The following SLC12A9 variants were observed in gnomAD, a reference collection of about 807,000 sequenced individuals.
SLC12A9 encodes solute carrier family 12 member 9.
SLC12A9 carries 55 observed loss-of-function variants against 66.0 expected under a neutral mutation model. That is an observed-to-expected ratio of 0.83 (90% confidence interval 0.67 to 1.04). The LOEUF is 1.04. Ranked by LOEUF, SLC12A9 falls within the 50% of genes least tolerant of loss-of-function variation. The probability of loss-of-function intolerance (pLI) is 0.00; values close to 1 mark genes in which losing one functional copy is unlikely to be tolerated. For synonymous variants in SLC12A9, 577 were observed against 569.0 expected, an observed-to-expected ratio of 1.01 and a Z score of -0.20; for missense variants, 1,061 against 1,241.9, an observed-to-expected ratio of 0.85 and a Z score of 2.19.
chr7:100,864,951 C>T (rs925997159), intron 13 of SLC12A9, among the ~76,000 whole-genome samples: 2 of 151,852 alleles, frequency 1.3e-5, no homozygotes, highest in African/African-American at 4.8e-5. Flanking sequence ...ACGGGGTAGC[C>T]CTGTTTCTTT....
In SLC12A9 at chr7:100,865,766, C is replaced by G. The variant is rs1340769634; in HGVS notation, c.1906C>G (p.Pro636Ala). Residue 636 changes from proline (P) to alanine (A), a missense_variant, in exon 14 of 14, where the codon CCA (proline) becomes GCA (alanine). Pro to Ala is a conservative substitution (Grantham distance 27). Transcript: ENST00000354161. ...TLVLGFYDDA[P>A]PQDHFLTDPA... ...GGTCCTAGGTTTCTACGATGACGCT[C>G]CACCGCAGGACCATTTCCTGACGGA... The G allele has an allele frequency of 1.9e-6, 3 of 1,613,842 alleles. No homozygotes were observed. The highest frequency in any genetic ancestry group is 2.5e-6 in the Non-Finnish European group (3 of 1,179,948).
chr7:100,857,008 T>C lies in SLC12A9; in HGVS notation c.589T>C (p.Phe197Leu). The C allele has an allele frequency of 6.2e-7, 1 of 1,614,188 alleles. No individual in the cohort carries two copies. The highest frequency in any genetic ancestry group is 8.5e-7 in the Non-Finnish European group (1 of 1,180,038). The change falls in exon 5 of 14, where the codon TTC becomes CTC. Residue 197 changes from phenylalanine to leucine, a missense_variant. By Grantham distance (22) the Phe-to-Leu change is conservative. Coordinates refer to ENST00000354161, the MANE Select transcript of SLC12A9 (RefSeq NM_020246.4). ...CTATGCCCGGGCCTCATTCCTCACA[T>C]TCCTGCTGGTCTCTGGCTCCCTGGC... is the stretch of plus-strand genomic sequence containing the variant. ...GLYARASFLT[F>L]LLVSGSLASV...
At chr7:100,859,813 T>C in intron 7 of SLC12A9, 72 bp from the exon 8 acceptor site, 1 of 1,521,708 alleles carries the variant, frequency 6.6e-7, no homozygotes, top group Admixed American at 1.9e-5. Context: ...GTCTGATCCT[T>C]AAGATCGGGG....
intron 1 of SLC12A9, among the ~76,000 whole-genome samples, chr7:100,830,080 A>T (rs775531799): frequency 1.3e-5 from 2 of 151,358 alleles, no homozygotes; most frequent in Non-Finnish European, 1.5e-5. Context: ...GGCTGGGCGC[A>T]GTGGCTCACA....
rs200962214 is a variant in SLC12A9 at position 100,862,749 on chromosome 7, G to A, written c.1780G>A (p.Val594Met). The A allele has an allele frequency of 2.3e-5, 37 of 1,614,222 alleles. No individual in the cohort carries two copies. The highest frequency in any genetic ancestry group is 3.1e-5 in the Non-Finnish European group (37 of 1,180,040). Residue 594 changes from valine (V) to methionine (M), a missense_variant, in exon 13 of 14, where the codon GTG becomes ATG. By Grantham distance (21) the Val-to-Met change is conservative (BLOSUM62 1). Coordinates refer to ENST00000354161, the MANE Select transcript of SLC12A9 (RefSeq NM_020246.4). ...AWLSLVDRAQ[V>M]KAFVDLTLSP... The stretch of plus-strand genomic sequence containing the variant: ...GCTCAGCCTGGTGGACCGTGCCCAG[G>A]TGAAGGCTTTTGTGGATCTAACCCT...
rs1584703946 is a variant in SLC12A9 at position 100,860,977 on chromosome 7, C to T, written c.1219-161C>T. On this transcript the variant is annotated intron_variant, in intron 9 of 13. Transcript: ENST00000354161. The stretch of plus-strand genomic sequence containing the variant: ...GGGGTTTAATAGCATTTTGGGGGTT[C>T]ATTGACACTTTGGGGGTGCACTGGC... The T allele has an allele frequency of 3.1e-6, 4 of 1,291,600 alleles. No individual in the cohort carries two copies. The East Asian group carries it at 9.5e-5, about 31-fold the overall frequency. 80.0% of individuals were successfully genotyped at this position (1,291,600 alleles called of 1,614,324 possible). A position where few individuals can be genotyped will look rare whatever the true frequency, so the allele number is the denominator to read the frequency against.
At chr7:100,827,221 G>T (rs1465520444) in intron 1 of SLC12A9, 5 of 288,316 alleles carry the variant, frequency 1.7e-5, no homozygotes, top group Non-Finnish European at 2.9e-5. Flanking sequence ...TCTGTGCCGC[G>T]CGCGCGGGCG....
intron 1 of SLC12A9, among the ~76,000 whole-genome samples, chr7:100,853,878 G>A (rs1334257718): frequency 6.6e-6 from 1 of 152,102 alleles, no homozygotes; most frequent in African/African-American, 2.4e-5. Flanking sequence ...ACAGGCATGA[G>A]CCACCATGCC....
intron 13 of SLC12A9, among the ~76,000 whole-genome samples, chr7:100,864,615 G>A (rs144960351): frequency 8.0e-4 from 122 of 152,284 alleles, no homozygotes; most frequent in African/African-American, 2.9e-3. Context: ...GAGCATTGTG[G>A]TTGCCACGTG....
At position 100,865,146 on chromosome 7, in the gene SLC12A9, T is replaced by G. The variant is rs887469782; in HGVS notation, c.1859-573T>G. 5.1e-5 allele frequency: 49 copies of G among 961,532 alleles called. No individual in the cohort carries two copies. The East Asian group carries it at 1.2e-3, about 24-fold the overall frequency. 59.6% of individuals were successfully genotyped at this position (961,532 alleles called of 1,614,324 possible). ...CTAATTTTTGTATTTTTAGTAGAGATAGCATTTCACCGTATTGGCCAGGCT... is the reference window on the plus strand; with the variant it reads ...CTAATTTTTGTATTTTTAGTAGAGAGAGCATTTCACCGTATTGGCCAGGCT... On this transcript the variant is annotated intron_variant, in intron 13 of 13. Coordinates refer to ENST00000354161, the MANE Select transcript of SLC12A9 (RefSeq NM_020246.4).
At position 100,856,872 on chromosome 7, in the gene SLC12A9, C is replaced by T; in HGVS notation, c.453C>T (p.Ala151=). The T allele has an allele frequency of 6.3e-7, 1 of 1,591,960 alleles. No individual in the cohort carries two copies. Among genetic ancestry groups the T allele is most frequent in the Non-Finnish European group, 8.5e-7 (1 of 1,170,872 alleles). ...ESVLDVFGAD[A]TGPSGLRVLP... is the part of the protein sequence containing the mutation. ...TCTGTCCCTACCTCTCTCCAGATGC[C>T]ACAGGGCCCAGTGGGCTCCGGGTCC... The change falls in exon 5 of 14, where the codon GCC becomes GCT. Residue 151 remains alanine (A), a synonymous_variant. Coordinates refer to ENST00000354161, the MANE Select transcript of SLC12A9 (RefSeq NM_020246.4).
At chr7:100,857,522 A>G (rs1306177084) in intron 5 of SLC12A9, 1 of 250,706 alleles carries the variant, frequency 4.0e-6, no homozygotes, top group Non-Finnish European at 7.7e-6. Context: ...TGGGCTGGGG[A>G]GGGCAGGAGC....
rs747203222 is a variant in SLC12A9 at position 100,866,533 on chromosome 7, G to A, written c.2673G>A (p.Glu891=). Residue 891 remains glutamate (E), a synonymous_variant, in exon 14 of 14, where the codon GAG becomes GAA. Transcript: ENST00000354161. This position sits in a 1 kb window ranked among gnomAD's most constrained non-coding sequence, Gnocchi z 7.3. ...ARYPRYLALL[E]TLTRDLGPTL... ...ACCCCCGCTACCTGGCGCTACTGGA[G>A]ACTCTAACCCGAGACCTGGGCCCCA... 4.4e-6 allele frequency: 7 copies of A among 1,581,984 alleles called. No individual in the cohort carries two copies. The Admixed American group carries it at 1.3e-4, about 29-fold the overall frequency.
chr7:100,854,560 AGG>A, intron 2 of SLC12A9, 58 bp from the exon 3 acceptor site: 1 of 1,608,554 alleles, frequency 6.2e-7, no homozygotes, highest in Non-Finnish European at 8.5e-7. Context: ...CTGCAGAACC[AGG>A]GGGTGGGGGA....
At position 100,861,830 on chromosome 7, in the gene SLC12A9, G is replaced by A. The variant is rs758620604; in HGVS notation, c.1630G>A (p.Ala544Thr). The change falls in exon 12 of 14, where the codon GCC (alanine) becomes ACC (threonine). Residue 544 changes from alanine (A) to threonine (T), a missense_variant. By Grantham distance (58) the Ala-to-Thr change is moderately conservative. Transcript: ENST00000354161. The surrounding 1 kb of genome is among the most constrained non-coding windows in gnomAD (Gnocchi z 5.3). ...LLLLVGNPRG[A>T]LPLLRLANQL... is the part of the protein sequence containing the mutation. ...GCTCCTGGTGGGGAACCCCCGGGGC[G>A]CCCTGCCTCTGCTGCGGTTGGCCAA... is the stretch of plus-strand genomic sequence containing the variant. 5.0e-6 allele frequency: 8 copies of A among 1,613,482 alleles called. No individual in the cohort carries two copies. The highest frequency in any genetic ancestry group is 2.2e-5 in the East Asian group (1 of 44,878).
chr7:100,858,142 T>C (rs1039079409), intron 5 of SLC12A9: 2 of 151,448 alleles, frequency 1.3e-5, no homozygotes. Context: ...CTGGGTGCGG[T>C]GGCTCCCGCC....
chr7:100,852,677 G>A (rs1477415693), upstream of SLC12A9: 1 of 152,346 alleles, frequency 6.6e-6, no homozygotes, highest in Non-Finnish European at 1.5e-5. Context: ...CGGGGCCGAG[G>A]ACGGGGACCA....
At chr7:100,833,952 A>G (rs1430470388) in intron 1 of SLC12A9, among the ~76,000 whole-genome samples, 170 of 131,264 alleles carry the variant, frequency 1.3e-3, no homozygotes, top group Non-Finnish European at 2.3e-3. Flanking sequence ...AAAAAAAAAA[A>G]AAAAAAAAAG....
At chr7:100,843,999 G>A (rs1813844403) in intron 1 of SLC12A9, among the ~76,000 whole-genome samples, 1 of 152,298 alleles carries the variant, frequency 6.6e-6, no homozygotes, top group African/African-American at 2.4e-5. Context: ...CTCTGAAGAA[G>A]ATGACAAGCC....
Sources: gnomAD v4.1 joint callset for allele counts (sites outside exome capture counted in the v4.1 genomes callset) on GRCh38, gnomAD v4.1.1 for gene constraint, Gnocchi (gnomAD v3.1) non-coding constraint, MANE v1.5 for transcripts, NCBI Gene and HGNC (gene_info 2026-07-23, HGNC 2026-07-21) for gene names.